Variants in JAM2 observed in about 807,000 individuals in gnomAD.
JAM2 encodes junctional adhesion molecule 2.
Under a neutral mutation model 42.0 loss-of-function variants are expected in JAM2, and 17 were observed. The observed-to-expected ratio is 0.40, with a 90% confidence interval of 0.28 to 0.61. JAM2 has a LOEUF of 0.61. Ranked by LOEUF, JAM2 falls within the 20% of genes least tolerant of loss-of-function variation. JAM2 has a pLI of 0.37. For synonymous variants in JAM2, 118 were observed against 128.6 expected (o/e 0.92, Z 0.56); for missense variants, 319 against 358.3 (o/e 0.89, Z 0.89).
intron 1 of JAM2, among the ~76,000 whole-genome samples, chr21:25,671,582 T>A (rs2033362581): frequency 1.3e-5 from 2 of 152,158 alleles, no homozygotes; most frequent in South Asian, 4.1e-4. Context: ...CTCAGCCCAC[T>A]GCAACCTCCA....
At position 25,639,754 on chromosome 21, in the gene JAM2, C is replaced by G. The variant is rs901633923; in HGVS notation, c.-68C>G. On this transcript the variant is annotated 5_prime_UTR_variant, in exon 1 of 10. Transcript: ENST00000480456. ...CCCGCCCCAGAAGTTCAAGGGCCCC[C>G]GGCCTCCTGCGCTCCTGCCGCCGGG... 2 of 1,077,090 alleles carry G rather than the reference C, an allele frequency of 1.9e-6. No homozygotes were observed. The highest frequency in any genetic ancestry group is 1.6e-5 in the African/African-American group (1 of 62,438). 66.7% of individuals were successfully genotyped at this position (1,077,090 alleles called of 1,614,324 possible). A position where few individuals can be genotyped will look rare whatever the true frequency, so the allele number is the denominator to read the frequency against.
intron 7 of JAM2, 80 bp downstream of exon 7, chr21:25,706,166 A>C: frequency 1.0e-6 from 1 of 958,662 alleles, no homozygotes; most frequent in East Asian, 2.4e-5. Flanking sequence ...TTCTCCTAGG[A>C]AGTTGTTTTT....
intron 1 of JAM2, chr21:25,643,643 A>G (rs1600983506): frequency 6.6e-6 from 1 of 152,384 alleles, no homozygotes; most frequent in East Asian, 1.9e-4. Context: ...GTGCTGGCAC[A>G]GTCTCAATTA....
chr21:25,691,390 T>A (rs906032112), intron 3 of JAM2, among the ~76,000 whole-genome samples: 1 of 152,188 alleles, frequency 6.6e-6, no homozygotes, highest in Non-Finnish European at 1.5e-5. Context: ...ACCTGCCTAA[T>A]TTTTACATTT....
At chr21:25,648,616 C>T (rs184802220) in intron 1 of JAM2, among the ~76,000 whole-genome samples, 6 of 152,252 alleles carry the variant, frequency 3.9e-5, no homozygotes, top group Admixed American at 2.0e-4. Flanking sequence ...AAATTCCTTG[C>T]GCCTTCTCTT....
chr21:25,693,808 T>C lies in JAM2; in HGVS notation c.294T>C (p.Asn98=). 6.2e-7 allele frequency: 1 copy of C among 1,614,136 alleles called. No homozygotes were observed. Among genetic ancestry groups the C allele is most frequent in the Non-Finnish European group, 8.5e-7 (1 of 1,179,986 alleles). The change falls in exon 4 of 10, where the codon AAT becomes AAC. Residue 98 remains asparagine, a synonymous_variant. Transcript: ENST00000480456. ...EMIDFNIRIK[N]VTRSDAGKYR... is the part of the protein sequence containing the mutation. ...TAGATTTCAATATCCGGATCAAAAA[T>C]GTGACAAGAAGTGATGCGGGGAAAT... is the stretch of plus-strand genomic sequence containing the variant.
At chr21:25,699,034 G>A (rs1002839733) in intron 5 of JAM2, among the ~76,000 whole-genome samples, 155 bp downstream of exon 5, 2 of 152,186 alleles carry the variant, frequency 1.3e-5, no homozygotes, top group Non-Finnish European at 2.9e-5. Context: ...CTTGTACCAC[G>A]AAGTGATGGA....
intron 7 of JAM2, among the ~76,000 whole-genome samples, 171 bp downstream of exon 7, chr21:25,706,257 A>G (rs1000925102): frequency 4.6e-5 from 7 of 151,926 alleles, no homozygotes; most frequent in African/African-American, 9.7e-5. Context: ...TCTCCACTCA[A>G]TACAACCTCC....
At chr21:25,683,037 G>C (rs1019990459) in intron 1 of JAM2, among the ~76,000 whole-genome samples, 1 of 152,128 alleles carries the variant, frequency 6.6e-6, no homozygotes, top group Non-Finnish European at 1.5e-5. Context: ...CAGGGGCATG[G>C]TGGGACAAAA....
At chr21:25,688,270 G>GTA (rs1227405092) in intron 2 of JAM2, among the ~76,000 whole-genome samples, 3 of 151,824 alleles carry the variant, frequency 2.0e-5, no homozygotes, top group Non-Finnish European at 2.9e-5. Flanking sequence ...GTGTGTGTGT[G>GTA]TATGTGTGTG....
At chr21:25,693,134 T>C (rs960921044) in intron 3 of JAM2, among the ~76,000 whole-genome samples, 15 of 152,316 alleles carry the variant, frequency 9.8e-5, no homozygotes, top group African/African-American at 3.6e-4. Context: ...TTTCAAAATT[T>C]TGATTCAGTG....
At chr21:25,696,273 A>C (rs2034029610) in intron 4 of JAM2, among the ~76,000 whole-genome samples, 1 of 152,094 alleles carries the variant, frequency 6.6e-6, no homozygotes, top group Non-Finnish European at 1.5e-5. Flanking sequence ...CTGCAATCCC[A>C]GGCGCTCGGC....
chr21:25,668,963 C>T (rs1014818599), intron 1 of JAM2, among the ~76,000 whole-genome samples: 6 of 151,956 alleles, frequency 3.9e-5, no homozygotes, highest in African/African-American at 1.2e-4. Context: ...TTACAGAGGA[C>T]GAGACACAGC....
chr21:25,691,253 A>T (rs2033874675), intron 3 of JAM2, among the ~76,000 whole-genome samples: 1 of 152,292 alleles, frequency 6.6e-6, no homozygotes, highest in Admixed American at 6.5e-5. Context: ...TGTCAAGATA[A>T]GACTACTAGC....
intron 1 of JAM2, among the ~76,000 whole-genome samples, chr21:25,662,939 C>T (rs2033126950): frequency 6.6e-6 from 1 of 152,132 alleles, no homozygotes. Flanking sequence ...TGTAAAACAT[C>T]CTAATTTTTT....
rs2033938039 is a variant in JAM2, at chr21:25,693,879, A to G, written c.365A>G (p.Glu122Gly). The change falls in exon 4 of 10, where the codon GAA becomes GGA. Residue 122 changes from glutamate (E) to glycine (G), a missense_variant. Physicochemically the swap from Glu to Gly is moderately conservative, Grantham distance 98 (BLOSUM62 -2). Transcript: ENST00000480456. ...CCATCTGAGCAAGGCCAAAACCTGG[A>G]AGAGGATACAGTCACTCTGGAAGTA... ...SAPSEQGQNL[E>G]EDTVTLEVLV... The G allele has an allele frequency of 6.2e-7, 1 of 1,614,114 alleles. No homozygotes were observed. The highest frequency in any genetic ancestry group is 8.5e-7 in the Non-Finnish European group (1 of 1,180,044).
At chr21:25,693,215 T>C (rs1457072213) in intron 3 of JAM2, among the ~76,000 whole-genome samples, 1 of 151,854 alleles carries the variant, frequency 6.6e-6, no homozygotes, top group East Asian at 1.9e-4. Context: ...AAATTAGATA[T>C]CAAAATGAAA....
chr21:25,661,116 A>G (rs531297247), intron 1 of JAM2, among the ~76,000 whole-genome samples: 1 of 151,934 alleles, frequency 6.6e-6, no homozygotes, highest in Admixed American at 6.6e-5. Context: ...ATATTCCTGT[A>G]CTATTTGGAA....
intron 1 of JAM2, among the ~76,000 whole-genome samples, chr21:25,646,532 T>A (rs2032616558): frequency 6.6e-6 from 1 of 151,828 alleles, no homozygotes; most frequent in Admixed American, 6.6e-5. Context: ...CCTTCTAAGT[T>A]CCAAAGTGTG....
Sources: gnomAD v4.1 joint callset for allele counts (sites outside exome capture counted in the v4.1 genomes callset) on GRCh38, gnomAD v4.1.1 for gene constraint, MANE v1.5 for transcripts, NCBI Gene and HGNC (gene_info 2026-07-23, HGNC 2026-07-21) for gene names.